Variants in SHANK2 observed in about 807,000 individuals in gnomAD.
The protein encoded by SHANK2 is SH3 and multiple ankyrin repeat domains 2, also known as SH3 and multiple ankyrin repeat domains protein 2.
In SHANK2, 43 loss-of-function variants were observed where a neutral mutation model predicts 133.7. The ratio of observed to expected loss-of-function variants is 0.32; its 90% CI spans 0.25 to 0.41. The LOEUF (loss-of-function observed/expected upper bound fraction) is 0.41. Ranked by LOEUF, SHANK2 falls within the 10% of genes least tolerant of loss-of-function variation. SHANK2 has a pLI of 1.00. For synonymous variants in SHANK2, 1,017 were observed against 952.8 expected (o/e 1.07, Z -1.24); for missense variants, 1,994 against 2,235.8 (o/e 0.89, Z 2.18).
chr11:70,546,126 TG>T (rs74413870), intron 17 of SHANK2, among the ~76,000 whole-genome samples: 62,812 of 142,726 alleles, frequency 0.44, 14,595 homozygotes, highest in East Asian at 0.91. Context: ...TTTGTAGAGA[TG>T]GGGGTCACAC....
chr11:70,533,408 T>C (rs2059503366), intron 17 of SHANK2, among the ~76,000 whole-genome samples: 1 of 152,016 alleles, frequency 6.6e-6, no homozygotes, highest in Admixed American at 6.6e-5. Flanking sequence ...AAAAAGACAA[T>C]CGATTCAAGG....
At chr11:71,187,867 C>A (rs61093447) in intron 2 of SHANK2, among the ~76,000 whole-genome samples, 5,026 of 152,282 alleles carry the variant, frequency 0.033, 137 homozygotes, top group East Asian at 0.15. Flanking sequence ...TTCTATTTCC[C>A]TAAACTCAGC....
In SHANK2 at chr11:70,856,501, G is replaced by GTGGA. The variant is rs777161766; in HGVS notation, c.1175-35823_1175-35820dup. Among the ~76,000 whole-genome samples, 252 of 149,778 alleles carry GTGGA rather than the reference G, an allele frequency of 1.7e-3. 1 individual carries two copies. The highest frequency in any genetic ancestry group is 0.015 in the Middle Eastern group (4 of 268). On this transcript the variant is annotated intron_variant, in intron 11 of 25. Coordinates refer to ENST00000601538, the MANE Select transcript of SHANK2 (RefSeq NM_012309.5). ...AGGTGGGTGGGTGAATGGATAATGA[G>GTGGA]TGGATGGATGGATGGATGGATGGAT...
chr11:70,887,009 T>C (rs1555073658), intron 11 of SHANK2, among the ~76,000 whole-genome samples: 2 of 152,134 alleles, frequency 1.3e-5, no homozygotes, highest in African/African-American at 4.8e-5. Context: ...ATTTAATCCA[T>C]CTGACAGTGC....
chr11:70,492,548 C>A (rs1013960153), intron 21 of SHANK2, 83 bp from the exon 22 acceptor site: 1 of 1,570,150 alleles, frequency 6.4e-7, no homozygotes, highest in Non-Finnish European at 8.7e-7. Flanking sequence ...GGTGCAGCAG[C>A]CACTCCAACA....
chr11:70,948,391 A>C, intron 10 of SHANK2: 1 of 457,108 alleles, frequency 2.2e-6, no homozygotes, highest in Non-Finnish European at 4.4e-6. Context: ...GAGAAACTCC[A>C]TATGTACTGG....
intron 17 of SHANK2, among the ~76,000 whole-genome samples, chr11:70,531,456 C>A (rs2059469457): frequency 6.6e-6 from 1 of 152,238 alleles, no homozygotes; most frequent in Admixed American, 6.5e-5. Flanking sequence ...TTGTCCCACA[C>A]TAGACTGACT....
chr11:71,085,593 AATATATATATT>A (rs1951372960), intron 8 of SHANK2, among the ~76,000 whole-genome samples: 1 of 81,202 alleles, frequency 1.2e-5, no homozygotes, highest in African/African-American at 5.3e-5. Flanking sequence ...TATATTATAT[AATATATATATT>A]AAATATATAT....
intron 2 of SHANK2, among the ~76,000 whole-genome samples, chr11:71,154,831 C>A (rs1398224148): frequency 2.3e-5 from 3 of 128,772 alleles, no homozygotes; most frequent in African/African-American, 3.1e-5. Flanking sequence ...CCCCAGCCCA[C>A]GCTCCCAGAG....
At chr11:70,929,836 T>G (rs1459560609) in intron 10 of SHANK2, among the ~76,000 whole-genome samples, 1 of 152,202 alleles carries the variant, frequency 6.6e-6, no homozygotes, top group Non-Finnish European at 1.5e-5. Flanking sequence ...ACTGCAATAT[T>G]GAAAGCTGTC....
rs150458610 is a variant in SHANK2 at position 70,679,615 on chromosome 11, C to T, written c.1854-17937G>A. ...GGTCAGGGCTGGGCCTGGGTCCTGC[C>T]GAGGAACAGAGGGCACCTCCACTGA... On this transcript the variant is annotated intron_variant, in intron 15 of 25. Coordinates refer to ENST00000601538, the MANE Select transcript of SHANK2 (RefSeq NM_012309.5). 2.6e-3 allele frequency among the ~76,000 whole-genome samples: 399 copies of T among 152,338 alleles called. 2 individuals are homozygous for T. The highest frequency in any genetic ancestry group is 9.3e-3 in the African/African-American group (387 of 41,576).
chr11:71,145,537 G>A (rs1268736658), intron 3 of SHANK2, among the ~76,000 whole-genome samples: 3 of 152,218 alleles, frequency 2.0e-5, no homozygotes, highest in Non-Finnish European at 2.9e-5. Context: ...AGGGCTGGGG[G>A]TGGGCTGAGC....
At chr11:70,918,485 T>A (rs1312647485) in intron 10 of SHANK2, among the ~76,000 whole-genome samples, 12 of 152,210 alleles carry the variant, frequency 7.9e-5, no homozygotes, top group African/African-American at 2.9e-4. Context: ...AAAGTCTACA[T>A]GGATATCCTT....
chr11:70,756,635 C>T (rs1946879498), intron 14 of SHANK2, among the ~76,000 whole-genome samples: 1 of 152,218 alleles, frequency 6.6e-6, no homozygotes, highest in South Asian at 2.1e-4. Context: ...CTGGACCCTG[C>T]TTTCTGCCAC....
chr11:70,562,925 G>C, intron 17 of SHANK2, among the ~76,000 whole-genome samples: 1 of 152,162 alleles, frequency 6.6e-6, no homozygotes, highest in Non-Finnish European at 1.5e-5. Flanking sequence ...AAGGTGGAGT[G>C]CAGTGGCACG....
intron 17 of SHANK2, among the ~76,000 whole-genome samples, chr11:70,503,809 C>G (rs1286333370): frequency 6.6e-6 from 1 of 152,232 alleles, no homozygotes; most frequent in East Asian, 1.9e-4. Flanking sequence ...CCTCCCAGCC[C>G]CACGCTACTC....
chr11:70,566,217 A>G (rs2059966637), intron 17 of SHANK2, among the ~76,000 whole-genome samples: 1 of 152,192 alleles, frequency 6.6e-6, no homozygotes, highest in South Asian at 2.1e-4. Flanking sequence ...CATGGGAATC[A>G]TGGGAGCTAC....
At chr11:71,171,938 A>AT (rs1555112277) in intron 2 of SHANK2, among the ~76,000 whole-genome samples, 1 of 22,538 alleles carries the variant, frequency 4.4e-5, no homozygotes, top group Non-Finnish European at 4.3e-4. Flanking sequence ...AATCTAGTCC[A>AT]CACGCCTGGG....
intron 17 of SHANK2, among the ~76,000 whole-genome samples, chr11:70,607,979 C>G (rs544212872): frequency 1.7e-4 from 26 of 152,208 alleles, no homozygotes; most frequent in Non-Finnish European, 3.2e-4. Flanking sequence ...ACAGTTGACT[C>G]TGACCAGAGA....
Sources: gnomAD v4.1 joint callset for allele counts (sites outside exome capture counted in the v4.1 genomes callset) on GRCh38, gnomAD v4.1.1 for gene constraint, MANE v1.5 for transcripts, NCBI Gene and HGNC (gene_info 2026-07-23, HGNC 2026-07-21) for gene names.